TMEM131: variants seen among roughly 807,000 people sequenced by gnomAD.
The protein encoded by TMEM131 is transmembrane protein 131.
In TMEM131, 66 loss-of-function variants were observed where a neutral mutation model predicts 211.6. That is an observed-to-expected ratio of 0.31 (90% CI 0.26 to 0.38). The LOEUF is 0.38. Ranked by LOEUF, TMEM131 falls within the 10% of genes least tolerant of loss-of-function variation. The pLI, the probability that TMEM131 is intolerant of heterozygous loss-of-function variation, is 1.00. For missense variants in TMEM131, 2,036 were observed against 2,299.3 expected, an observed-to-expected ratio of 0.89 and a Z score of 2.34; for synonymous variants, 844 against 841.3, an observed-to-expected ratio of 1.00 and a Z score of -0.06.
intron 11 of TMEM131, among the ~76,000 whole-genome samples, chr2:97,826,240 G>C (rs548274065): frequency 6.6e-6 from 1 of 152,218 alleles, no homozygotes; most frequent in African/African-American, 2.4e-5. Context: ...GCAGCACCCA[G>C]TTAGCAGAAC....
rs1337767540 is a variant in TMEM131, at chr2:97,818,852, C to T, written c.1075-131G>A. On this transcript the variant is annotated intron_variant, in intron 11 of 40. Transcript: ENST00000186436. ...ATTTGAAAAGTTTAACTTATGTTGT[C>T]CCTTTAAATGGAGTAGGCCACACTG... 6 of 587,390 alleles carry T rather than the reference C, an allele frequency of 1.0e-5. No individual in the cohort carries two copies. The African/African-American group carries it at 1.1e-4, about 11-fold the overall frequency. The allele number at this position is 587,390 out of a possible 1,614,324, so 36.4% of individuals were successfully genotyped here. A position where few individuals can be genotyped will look rare whatever the true frequency, so the allele number is the denominator to read the frequency against.
At chr2:97,878,657 T>C (rs937012015) in intron 4 of TMEM131, among the ~76,000 whole-genome samples, 12 of 151,878 alleles carry the variant, frequency 7.9e-5, no homozygotes, top group Non-Finnish European at 1.8e-4. Context: ...TGAGAACACA[T>C]GGACATAGAG....
chr2:97,989,128 G>A (rs1162310256), intron 1 of TMEM131, among the ~76,000 whole-genome samples: 3 of 152,130 alleles, frequency 2.0e-5, no homozygotes, highest in African/African-American at 7.2e-5. Flanking sequence ...TGAAAAAGCA[G>A]AAAATTACTT....
intron 1 of TMEM131, among the ~76,000 whole-genome samples, chr2:97,972,585 T>G (rs1216333053): frequency 3.3e-5 from 5 of 152,044 alleles, no homozygotes; most frequent in Admixed American, 6.5e-5. Context: ...ATAATAGTCA[T>G]CAGCCCACTC....
At chr2:97,987,451 T>C (rs1680077181) in intron 1 of TMEM131, among the ~76,000 whole-genome samples, 1 of 151,998 alleles carries the variant, frequency 6.6e-6, no homozygotes, top group Non-Finnish European at 1.5e-5. Context: ...TGCAGTAAGC[T>C]GAGATCGCAC....
intron 1 of TMEM131, among the ~76,000 whole-genome samples, chr2:97,939,086 A>G (rs1677590209): frequency 6.6e-6 from 1 of 152,244 alleles, no homozygotes; most frequent in Non-Finnish European, 1.5e-5. Context: ...GGAAAGATCT[A>G]AAATTGACAC....
chr2:97,820,086 T>C (rs554269349), intron 11 of TMEM131, among the ~76,000 whole-genome samples: 1 of 152,232 alleles, frequency 6.6e-6, no homozygotes, highest in Non-Finnish European at 1.5e-5. Context: ...CAAGTGTTCG[T>C]TCACAGGGTC....
rs186112138 is a variant in TMEM131 at position 97,858,557 on chromosome 2, A to G, written c.483+747T>C. 2.7e-4 allele frequency among the ~76,000 whole-genome samples: 41 copies of G among 152,308 alleles called. 1 individual carries two copies. Among genetic ancestry groups the G allele is most frequent in the Non-Finnish European group, 5.3e-4 (36 of 68,022 alleles). On this transcript the variant is annotated intron_variant, in intron 5 of 40. Transcript: ENST00000186436. ...GCTCCCAACCAGTTGCCTTTCAGTTAATCAAAAGGGAGACTATCCAGAGAG... is the reference window on the plus strand; with the variant it reads ...GCTCCCAACCAGTTGCCTTTCAGTTGATCAAAAGGGAGACTATCCAGAGAG...
chr2:97,841,050 A>G (rs950834670), intron 7 of TMEM131, among the ~76,000 whole-genome samples: 6 of 152,208 alleles, frequency 3.9e-5, no homozygotes, highest in African/African-American at 1.4e-4. Context: ...TGTCATTTTC[A>G]AGCTGCTTTT....
chr2:97,926,805 C>T (rs1358958804), intron 2 of TMEM131, among the ~76,000 whole-genome samples: 1 of 152,188 alleles, frequency 6.6e-6, no homozygotes, highest in Non-Finnish European at 1.5e-5. Context: ...AATGGATTAT[C>T]AACCTGCAAC....
intron 2 of TMEM131, among the ~76,000 whole-genome samples, chr2:97,916,058 C>T (rs914578659): frequency 6.6e-6 from 1 of 152,146 alleles, no homozygotes; most frequent in African/African-American, 2.4e-5. Flanking sequence ...GGACTACAGG[C>T]ATGTGCCAGC....
At chr2:97,994,300 T>C (rs1217816042) in intron 1 of TMEM131, among the ~76,000 whole-genome samples, 3 of 152,244 alleles carry the variant, frequency 2.0e-5, no homozygotes, top group African/African-American at 7.2e-5. Flanking sequence ...CAATTAATCC[T>C]TTCTATAGAC....
chr2:97,960,178 A>T lies in TMEM131; in HGVS notation c.188-32691T>A, dbSNP rs186762466. Among the ~76,000 whole-genome samples the T allele has an allele frequency of 1.3e-4, 20 of 152,238 alleles. 1 individual carries two copies. The highest frequency in any genetic ancestry group is 1.5e-4 in the Non-Finnish European group (10 of 67,992). ...GATAATTCATAAAAAGAATTTTGAG[A>T]TAGTACACATATACCCAATAATCTT... On this transcript the variant is annotated intron_variant, in intron 1 of 40. Transcript: ENST00000186436.
chr2:97,943,294 C>A (rs1677886733), intron 1 of TMEM131, among the ~76,000 whole-genome samples: 1 of 152,134 alleles, frequency 6.6e-6, no homozygotes, highest in African/African-American at 2.4e-5. Context: ...GAGAAAACAT[C>A]ACGTTCCAAA....
At chr2:97,810,083 T>C (rs1362142639) in intron 18 of TMEM131, among the ~76,000 whole-genome samples, 1 of 152,060 alleles carries the variant, frequency 6.6e-6, no homozygotes, top group Non-Finnish European at 1.5e-5. Flanking sequence ...TATTTCAAAA[T>C]ACAAATAATC....
intron 1 of TMEM131, among the ~76,000 whole-genome samples, chr2:97,968,659 A>G (rs775072476): frequency 2.2e-4 from 34 of 152,138 alleles, no homozygotes; most frequent in Non-Finnish European, 2.2e-4. Flanking sequence ...GACTCCCAAC[A>G]TCTCCCACTC....
intron 12 of TMEM131, among the ~76,000 whole-genome samples, chr2:97,817,837 T>G (rs1021494868): frequency 2.0e-5 from 3 of 152,214 alleles, no homozygotes; most frequent in Non-Finnish European, 4.4e-5. Context: ...CTATGTGGAC[T>G]CTGAGCACAG....
chr2:97,912,358 G>C (rs1420124184), intron 2 of TMEM131, among the ~76,000 whole-genome samples: 1 of 152,142 alleles, frequency 6.6e-6, no homozygotes. Context: ...GCAATCTCTA[G>C]AGGACAGGGA....
chr2:97,837,602 G>A (rs968202766), intron 7 of TMEM131, among the ~76,000 whole-genome samples: 2 of 152,144 alleles, frequency 1.3e-5, no homozygotes, highest in African/African-American at 4.8e-5. Flanking sequence ...ATGGGGAAGA[G>A]TAAAAATATT....
Sources: gnomAD v4.1 joint callset for allele counts (sites outside exome capture counted in the v4.1 genomes callset) on GRCh38, gnomAD v4.1.1 for gene constraint, MANE v1.5 for transcripts, NCBI Gene and HGNC (gene_info 2026-07-23, HGNC 2026-07-21) for gene names.